The following USP49 variants were observed in gnomAD, a reference collection of about 807,000 sequenced individuals.
The protein encoded by USP49 is ubiquitin carboxyl-terminal hydrolase 49.
A neutral mutation model predicts 58.6 loss-of-function variants in USP49; 24 were observed. The ratio of observed to expected loss-of-function variants is 0.41; its 90% confidence interval spans 0.30 to 0.58. The LOEUF (loss-of-function observed/expected upper bound fraction) is 0.58, where lower values mean the gene tolerates loss of function less well. Among genes scored for constraint, USP49 ranks in the 20% least tolerant of loss-of-function variants. The pLI is 0.30. For synonymous variants in USP49, 408 were observed against 365.1 expected, an observed-to-expected ratio of 1.12 and a Z score of -1.34; for missense variants, 703 against 866.1, an observed-to-expected ratio of 0.81 and a Z score of 2.36.
Position 41,798,893 on chromosome 6 carries a change from G to A in USP49, c.1707C>T (p.Val569=), listed in dbSNP as rs1374531137. The change falls in exon 7 of 8, where the codon GTC becomes GTT. Residue 569 remains valine, a synonymous_variant. Transcript: ENST00000682992. ...TTAATACCTGGTCAAAGACGACATG[G>A]ACCCCAATCTTCTCTCGATGATTAC... ...SGRNHREKIG[V]HVVFDQVLTM... The A allele has an allele frequency of 6.2e-7, 1 of 1,613,696 alleles. No homozygotes were observed. Among genetic ancestry groups the A allele is most frequent in the African/African-American group, 1.3e-5 (1 of 74,786 alleles).
At chr6:41,874,992 GAA>G (rs1327692826) in intron 2 of USP49, among the ~76,000 whole-genome samples, 3 of 151,868 alleles carry the variant, frequency 2.0e-5, no homozygotes, top group Admixed American at 1.3e-4. Context: ...GAGAAAGAAA[GAA>G]AGAGAGAGAG....
intron 3 of USP49, among the ~76,000 whole-genome samples, chr6:41,841,218 T>C (rs1443553404): frequency 6.6e-6 from 1 of 152,130 alleles, no homozygotes; most frequent in East Asian, 1.9e-4. Flanking sequence ...CAGAAGGGTC[T>C]CTTGTACTTC....
At chr6:41,809,792 A>G (rs1773213780) in intron 3 of USP49, among the ~76,000 whole-genome samples, 1 of 151,768 alleles carries the variant, frequency 6.6e-6, no homozygotes, top group South Asian at 2.1e-4. Flanking sequence ...GCGCCACGGC[A>G]CTCCAGCCTG....
chr6:41,854,895 C>T (rs142147085), intron 3 of USP49, among the ~76,000 whole-genome samples: 4 of 152,106 alleles, frequency 2.6e-5, no homozygotes, highest in Non-Finnish European at 5.9e-5. Context: ...CCCTCAGCCT[C>T]CTGAGTAGCT....
chr6:41,892,146 C>T (rs556900912), intron 1 of USP49, among the ~76,000 whole-genome samples: 46 of 152,146 alleles, frequency 3.0e-4, no homozygotes, highest in African/African-American at 1.1e-3. Context: ...AGTGGTTTAG[C>T]ACACTAAGGC....
rs1357162570 is a variant in USP49, at chr6:41,792,861, A to C, written c.*3672T>G. ...AACCGTAATTGAGTACAAGGCACCA[A>C]ATTTTATGAATTGTATAAAATTAGT... is the stretch of plus-strand genomic sequence containing the variant. On this transcript the variant is annotated 3_prime_UTR_variant, in exon 8 of 8. Transcript: ENST00000682992. The C allele has an allele frequency of 1.3e-5, 2 of 152,278 alleles. No individual in the cohort carries two copies. The highest frequency in any genetic ancestry group is 2.9e-5 in the Non-Finnish European group (2 of 68,044). The allele number at this position is 152,278 out of a possible 1,614,324, so 9.4% of individuals were successfully genotyped here. A position where few individuals can be genotyped will look rare whatever the true frequency, so the allele number is the denominator to read the frequency against.
At chr6:41,875,124 A>G (rs996722167) in intron 2 of USP49, among the ~76,000 whole-genome samples, 36 of 152,288 alleles carry the variant, frequency 2.4e-4, no homozygotes, top group Non-Finnish European at 2.8e-4. Flanking sequence ...TGACTTACAA[A>G]GTAGAATAGA....
Position 41,798,712 on chromosome 6 carries a change from A to G in USP49, c.1876+12T>C, listed in dbSNP as rs1269537193. Reference sequence around the variant, plus strand: ...TCCGTGTCCCCCACCCCACAGAGTAAAGCGCACGCACCTCCCTCTGTGTTG... The same window carrying G: ...TCCGTGTCCCCCACCCCACAGAGTAGAGCGCACGCACCTCCCTCTGTGTTG... On this transcript the variant is annotated intron_variant, in intron 7 of 7. Transcript: ENST00000682992. 1 of 1,614,012 alleles carries G rather than the reference A, an allele frequency of 6.2e-7. No individual in the cohort carries two copies. The highest frequency in any genetic ancestry group is 8.5e-7 in the Non-Finnish European group (1 of 1,179,944).
At chr6:41,837,407 A>C (rs1466057762) in intron 3 of USP49, among the ~76,000 whole-genome samples, 1 of 152,240 alleles carries the variant, frequency 6.6e-6, no homozygotes, top group Non-Finnish European at 1.5e-5. Context: ...AGCCATATGC[A>C]GAAGATTGAA....
At chr6:41,833,853 T>A (rs1385980975) in intron 3 of USP49, among the ~76,000 whole-genome samples, 4 of 152,236 alleles carry the variant, frequency 2.6e-5, no homozygotes, top group South Asian at 4.1e-4. Flanking sequence ...CTATTCAGCA[T>A]GTGATTTCAA....
chr6:41,813,023 T>C (rs149064661), intron 3 of USP49, among the ~76,000 whole-genome samples: 6 of 152,188 alleles, frequency 3.9e-5, no homozygotes, highest in African/African-American at 7.2e-5. Context: ...TCCAGTACTA[T>C]AGTAACTAGT....
In USP49 at chr6:41,793,243, C is replaced by CT. The variant is rs945007745; in HGVS notation, c.*3289dup. On this transcript the variant is annotated 3_prime_UTR_variant, in exon 8 of 8. Coordinates refer to ENST00000682992, the MANE Select transcript of USP49 (RefSeq NM_001286554.2). Reference sequence around the variant, plus strand: ...ACATTTTAAGAGACATCTGGAAATTCTTTTTTTTTTTTTGTTTTTGTTTTT... The same window carrying CT: ...ACATTTTAAGAGACATCTGGAAATTCTTTTTTTTTTTTTTGTTTTTGTTTTT... The CT allele has an allele frequency of 3.6e-4, 54 of 151,724 alleles. No individual in the cohort carries two copies. Among genetic ancestry groups the CT allele is most frequent in the South Asian group, 8.0e-4 (4 of 5,012 alleles). The allele number at this position is 151,724 out of a possible 1,614,324, so 9.4% of individuals were successfully genotyped here.
At chr6:41,823,712 T>C (rs373157888) in intron 3 of USP49, among the ~76,000 whole-genome samples, 80 of 152,264 alleles carry the variant, frequency 5.3e-4, no homozygotes, top group African/African-American at 1.9e-3. Context: ...GACTCTCTTT[T>C]CCCCAACTCT....
At chr6:41,892,607 G>C (rs886306187) in intron 1 of USP49, among the ~76,000 whole-genome samples, 12 of 152,168 alleles carry the variant, frequency 7.9e-5, no homozygotes, top group East Asian at 3.8e-4. Context: ...TGCAGAAAGA[G>C]TTTTCTAAAT....
intron 3 of USP49, among the ~76,000 whole-genome samples, chr6:41,821,445 TTCTC>T (rs1773451315): frequency 2.0e-5 from 3 of 152,190 alleles, no homozygotes; most frequent in Admixed American, 2.0e-4. Flanking sequence ...CCAAATGTTG[TTCTC>T]TCTTTCTGAA....
rs1024701554 is a variant in USP49 at position 41,806,297 on chromosome 6, G to C, written c.687C>G (p.Leu229=). The change falls in exon 4 of 8, where the codon CTC becomes CTG. Residue 229 remains leucine, a synonymous_variant. Coordinates refer to ENST00000682992, the MANE Select transcript of USP49 (RefSeq NM_001286554.2). This position sits in a 1 kb window ranked among gnomAD's most constrained non-coding sequence, Gnocchi z 5.9. ...CGGCGGGCACTCTGCGTGAGGTAGG[G>C]AGGGCGGCGGGGCGCGAGGCAGCCG... ...AGPAASRPAA[L]PTSRRVPAAT... is the part of the protein sequence containing the mutation. 3.1e-6 allele frequency: 5 copies of C among 1,592,792 alleles called. No homozygotes were observed. Among genetic ancestry groups the C allele is most frequent in the South Asian group, 1.1e-5 (1 of 90,520 alleles).
intron 3 of USP49, among the ~76,000 whole-genome samples, chr6:41,852,133 C>G (rs1460364757): frequency 1.3e-5 from 2 of 151,992 alleles, no homozygotes; most frequent in South Asian, 2.1e-4. Context: ...CGAGACTAGC[C>G]TGACCAACAT....
At chr6:41,850,225 C>G (rs901817860) in intron 3 of USP49, among the ~76,000 whole-genome samples, 1 of 151,860 alleles carries the variant, frequency 6.6e-6, no homozygotes, top group Non-Finnish European at 1.5e-5. Flanking sequence ...GGCGGATCAC[C>G]TGAGGTCAGG....
At chr6:41,796,945 A>ATT (rs5875772) in intron 7 of USP49, among the ~76,000 whole-genome samples, 36 of 107,742 alleles carry the variant, frequency 3.3e-4, no homozygotes, top group East Asian at 5.4e-4. Context: ...ACTGACTGCA[A>ATT]TTTTTTTTTT....
Sources: allele counts gnomAD v4.1 joint callset (sites outside exome capture counted in the v4.1 genomes callset), GRCh38; gene constraint gnomAD v4.1.1; non-coding constraint Gnocchi (gnomAD v3.1); transcripts MANE v1.5; gene names NCBI Gene and HGNC (gene_info 2026-07-23, HGNC 2026-07-21).